Variants in SAMD5 observed in about 807,000 individuals in gnomAD.
The protein encoded by SAMD5 is sterile alpha motif domain containing 5.
SAMD5 carries 13 observed loss-of-function variants against 11.3 expected under a neutral mutation model. The ratio of observed to expected loss-of-function variants is 1.15; its 90% confidence interval spans 0.75 to 1.83. SAMD5 has a LOEUF of 1.83. SAMD5 is among the 40% of genes most tolerant of loss of function. SAMD5 has a pLI of 0.00. For missense variants in SAMD5, 255 were observed against 239.1 expected (o/e 1.07, Z -0.44); for synonymous variants, 129 against 111.3 (o/e 1.16, Z -1.00).
At chr6:147,518,024 G>A (rs570458374) in intron 1 of SAMD5, among the ~76,000 whole-genome samples, 16 of 152,192 alleles carry the variant, frequency 1.1e-4, no homozygotes, top group African/African-American at 3.9e-4. Flanking sequence ...TTCAAAACAC[G>A]AAAGTCAATT....
At chr6:147,676,940 T>C (rs1368443240) in intron 1 of SAMD5, among the ~76,000 whole-genome samples, 3 of 151,882 alleles carry the variant, frequency 2.0e-5, no homozygotes, top group Admixed American at 1.3e-4. Context: ...TGGGGCCAGA[T>C]GGTGAGGGGC....
At chr6:147,800,797 C>G in the SAMD5 span, among the ~76,000 whole-genome samples, 1 of 151,842 alleles carries the variant, frequency 6.6e-6, no homozygotes, top group East Asian at 1.9e-4. Context: ...TGTTTAGAAC[C>G]TATTAATGGG....
chr6:147,899,170 C>CAAAAAAAA, the SAMD5 span, among the ~76,000 whole-genome samples: 64 of 62,574 alleles, frequency 1.0e-3, no homozygotes, highest in African/African-American at 3.5e-3. Context: ...GACTCTGTCT[C>CAAAAAAAA]AAAAAAAAAA....
the SAMD5 span, among the ~76,000 whole-genome samples, chr6:147,785,144 A>T: frequency 2.6e-5 from 4 of 152,112 alleles, no homozygotes; most frequent in Non-Finnish European, 4.4e-5. Flanking sequence ...AATATCCAAA[A>T]ATCTTTAAGC....
intron 1 of SAMD5, among the ~76,000 whole-genome samples, chr6:147,595,288 T>C (rs1486602933): frequency 2.0e-5 from 3 of 152,202 alleles, no homozygotes; most frequent in Non-Finnish European, 4.4e-5. Flanking sequence ...CAAAAAGCTT[T>C]ATATGCGATA....
At chr6:147,624,488 G>T (rs966112160) in intron 1 of SAMD5, among the ~76,000 whole-genome samples, 2 of 152,174 alleles carry the variant, frequency 1.3e-5, no homozygotes, top group African/African-American at 4.8e-5. Context: ...TGTGATGTTT[G>T]GTTTTCCATT....
At chr6:147,866,306 T>A in the SAMD5 span, among the ~76,000 whole-genome samples, 1 of 152,216 alleles carries the variant, frequency 6.6e-6, no homozygotes, top group Non-Finnish European at 1.5e-5. Context: ...AGTTTGAAGC[T>A]TCATTACATG....
At chr6:147,908,908 C>T in the SAMD5 span, among the ~76,000 whole-genome samples, 1 of 150,310 alleles carries the variant, frequency 6.7e-6, no homozygotes, top group Non-Finnish European at 1.5e-5. Flanking sequence ...GATAGGCATC[C>T]ATCTAAACTA....
intron 1 of SAMD5, among the ~76,000 whole-genome samples, chr6:147,669,455 T>TTTCATGCTG (rs1396117111): frequency 2.8e-5 from 4 of 141,864 alleles, no homozygotes; most frequent in African/African-American, 1.1e-4. Flanking sequence ...TGAGACAGAG[T>TTTCATGCTG]TTCATGCTGT....
the SAMD5 span, among the ~76,000 whole-genome samples, chr6:147,753,782 A>G: frequency 6.6e-6 from 1 of 151,606 alleles, no homozygotes; most frequent in Non-Finnish European, 1.5e-5. Context: ...TAATTTCTAG[A>G]TCCCACAAAT....
the SAMD5 span, among the ~76,000 whole-genome samples, chr6:147,793,494 A>C: frequency 1.7e-3 from 255 of 152,336 alleles, 1 homozygote; most frequent in African/African-American, 6.0e-3. Context: ...TATAGACTTT[A>C]GTTAATTAGA....
chr6:147,549,641 C>T (rs1788737666), intron 1 of SAMD5, among the ~76,000 whole-genome samples: 1 of 152,086 alleles, frequency 6.6e-6, no homozygotes. Flanking sequence ...CTCACTCCTT[C>T]CTTTTACTCT....
the SAMD5 span, among the ~76,000 whole-genome samples, chr6:147,840,077 G>A: frequency 6.6e-6 from 1 of 152,184 alleles, no homozygotes; most frequent in Non-Finnish European, 1.5e-5. Flanking sequence ...TTCATGATGA[G>A]CTTTAGCATT....
chr6:147,558,713 A>C (rs1202551751), intron 1 of SAMD5, among the ~76,000 whole-genome samples: 2 of 150,268 alleles, frequency 1.3e-5, no homozygotes. Flanking sequence ...TCCCTCACTC[A>C]CCTCCAAATG....
intron 1 of SAMD5, among the ~76,000 whole-genome samples, chr6:147,690,727 GT>G (rs980682370): frequency 6.6e-6 from 1 of 152,094 alleles, no homozygotes; most frequent in South Asian, 2.1e-4. Flanking sequence ...CTTTGATTCA[GT>G]TTTTTTCATT....
the SAMD5 span, among the ~76,000 whole-genome samples, chr6:147,872,013 G>C: frequency 7.2e-5 from 11 of 152,206 alleles, no homozygotes; most frequent in Non-Finnish European, 1.6e-4. Flanking sequence ...AAGGAGAACA[G>C]TCTTACCTAC....
the SAMD5 span, among the ~76,000 whole-genome samples, chr6:147,896,966 G>A: frequency 1.3e-5 from 2 of 152,144 alleles, no homozygotes; most frequent in Admixed American, 6.5e-5. Flanking sequence ...TCCAGAAGAA[G>A]CAAATCTGTA....
chr6:147,812,048 G>A, the SAMD5 span, among the ~76,000 whole-genome samples: 1 of 152,118 alleles, frequency 6.6e-6, no homozygotes, highest in Non-Finnish European at 1.5e-5. Flanking sequence ...GGGCAGGAGG[G>A]AGGTAGCCAA....
chr6:147,645,978 C>A (rs1790390435), intron 1 of SAMD5, among the ~76,000 whole-genome samples: 1 of 152,058 alleles, frequency 6.6e-6, no homozygotes, highest in Non-Finnish European at 1.5e-5. Context: ...CAACTGTTAT[C>A]TTTGTCTCTA....
Sources: allele counts gnomAD v4.1 joint callset (sites outside exome capture counted in the v4.1 genomes callset), GRCh38; gene constraint gnomAD v4.1.1; transcripts MANE v1.5; gene names NCBI Gene and HGNC (gene_info 2026-07-23, HGNC 2026-07-21).